CDH13: variants seen among roughly 807,000 people sequenced by gnomAD.
CDH13 encodes cadherin 13, also known as cadherin-13.
Under a neutral mutation model 63.8 loss-of-function variants are expected in CDH13, and 24 were observed. That is an observed-to-expected ratio of 0.38 (90% CI 0.27 to 0.53). The LOEUF (loss-of-function observed/expected upper bound fraction) is 0.53, where lower values mean the gene tolerates loss of function less well. Ranked by LOEUF, CDH13 falls within the 20% of genes least tolerant of loss-of-function variation. The pLI is 0.85. For synonymous variants in CDH13, 503 were observed against 355.3 expected (o/e 1.42, Z -4.67); for missense variants, 1,049 against 903.1 (o/e 1.16, Z -2.07).
intron 10 of CDH13, among the ~76,000 whole-genome samples, chr16:83,705,348 C>A (rs1026472033): frequency 6.6e-6 from 1 of 152,168 alleles, no homozygotes; most frequent in Non-Finnish European, 1.5e-5. Flanking sequence ...GAAGCCCGGG[C>A]CCGGTGGCTC....
chr16:83,159,268 G>A (rs1353413064), intron 4 of CDH13, among the ~76,000 whole-genome samples: 1 of 152,124 alleles, frequency 6.6e-6, no homozygotes, highest in African/African-American at 2.4e-5. Context: ...TGTGACTCTA[G>A]TTGAGTTAAA....
chr16:83,148,436 A>C (rs1166405110), intron 4 of CDH13, among the ~76,000 whole-genome samples: 1 of 152,204 alleles, frequency 6.6e-6, no homozygotes, highest in Non-Finnish European at 1.5e-5. Flanking sequence ...GAAGTGGATA[A>C]AATAATGTCT....
chr16:82,941,385 C>G (rs1904284829), intron 2 of CDH13, among the ~76,000 whole-genome samples: 1 of 152,174 alleles, frequency 6.6e-6, no homozygotes, highest in South Asian at 2.1e-4. Context: ...CATGACATTT[C>G]TGGAATTTCA....
At chr16:83,128,838 G>T (rs747186524) in intron 4 of CDH13, among the ~76,000 whole-genome samples, 1 of 152,152 alleles carries the variant, frequency 6.6e-6, no homozygotes, top group Non-Finnish European at 1.5e-5. Flanking sequence ...AGCCCCTTAT[G>T]TGTTGCCCAT....
intron 3 of CDH13, among the ~76,000 whole-genome samples, chr16:83,075,211 AC>A (rs1481902975): frequency 1.3e-5 from 2 of 152,094 alleles, no homozygotes; most frequent in African/African-American, 4.8e-5. Flanking sequence ...ACCCTGTCTT[AC>A]TTCCCAACTC....
At chr16:83,319,194 G>C (rs1035198038) in intron 5 of CDH13, among the ~76,000 whole-genome samples, 4 of 152,084 alleles carry the variant, frequency 2.6e-5, no homozygotes, top group Non-Finnish European at 4.4e-5. Context: ...AAGATATTTT[G>C]TATTGTGATG....
chr16:82,749,469 C>T (rs1357240223), intron 1 of CDH13, among the ~76,000 whole-genome samples: 2 of 152,136 alleles, frequency 1.3e-5, no homozygotes, highest in East Asian at 3.9e-4. Flanking sequence ...TCACATATCT[C>T]CAGGTTCGGA....
intron 1 of CDH13, among the ~76,000 whole-genome samples, chr16:82,662,509 C>G (rs1268202752): frequency 6.6e-6 from 1 of 152,146 alleles, no homozygotes; most frequent in Non-Finnish European, 1.5e-5. Context: ...ATGGTGCTAC[C>G]TGAGTGAGAT....
intron 1 of CDH13, among the ~76,000 whole-genome samples, chr16:82,689,424 T>G (rs559180191): frequency 3.0e-4 from 46 of 152,302 alleles, no homozygotes; most frequent in African/African-American, 1.1e-3. Context: ...ATAGTCAGTT[T>G]AGTAACCTCC....
chr16:83,311,201 T>C (rs1487964535), intron 5 of CDH13, among the ~76,000 whole-genome samples: 1 of 152,238 alleles, frequency 6.6e-6, no homozygotes, highest in Non-Finnish European at 1.5e-5. Context: ...TTAAAATTCA[T>C]CTGAAGTCTT....
At position 83,475,819 on chromosome 16, in the gene CDH13, G is replaced by A. The variant is rs148350167; in HGVS notation, c.782-10658G>A. Among the ~76,000 whole-genome samples the A allele has an allele frequency of 5.6e-4, 85 of 152,246 alleles. No homozygotes were observed. The Middle Eastern group carries it at 0.01, about 18-fold the overall frequency. On this transcript the variant is annotated intron_variant, in intron 6 of 13. Transcript: ENST00000567109. ...AGGTTGGTCTTGGACTCCTGACCTC[G>A]GGTGATCCACCCACCTCGGCCTCCC...
At chr16:83,121,469 C>T (rs374512206) in intron 3 of CDH13, among the ~76,000 whole-genome samples, 50 of 152,272 alleles carry the variant, frequency 3.3e-4, no homozygotes, top group South Asian at 2.3e-3. Flanking sequence ...GCCAAGTGCC[C>T]AGCACATTGG....
At chr16:83,327,596 G>C (rs1256900363) in intron 5 of CDH13, among the ~76,000 whole-genome samples, 1 of 152,162 alleles carries the variant, frequency 6.6e-6, no homozygotes, top group Non-Finnish European at 1.5e-5. Flanking sequence ...CCTTCTAGTA[G>C]GCATTACAGA....
At chr16:83,127,259 A>T (rs2035851058) in intron 4 of CDH13, among the ~76,000 whole-genome samples, 1 of 152,218 alleles carries the variant, frequency 6.6e-6, no homozygotes, top group African/African-American at 2.4e-5. Context: ...TTCATCGTGC[A>T]TGCAGCAGGG....
Position 83,303,267 on chromosome 16 carries a change from A to G in CDH13, c.637-41595A>G, listed in dbSNP as rs545150953. Among the ~76,000 whole-genome samples the G allele has an allele frequency of 2.3e-3, 350 of 152,356 alleles. 1 individual carries two copies. Among genetic ancestry groups the G allele is most frequent in the African/African-American group, 8.1e-3 (336 of 41,582 alleles). ...GGAAGATGAATAGGAGAAAAGGCAC[A>G]CAAATTTATTTAATGTGTATTAGCC... On this transcript the variant is annotated intron_variant, in intron 5 of 13. Transcript: ENST00000567109.
chr16:82,818,472 G>C (rs946607374), intron 1 of CDH13, among the ~76,000 whole-genome samples: 19 of 152,118 alleles, frequency 1.2e-4, no homozygotes, highest in Non-Finnish European at 2.9e-5. Flanking sequence ...AACATAAAGT[G>C]ATAATTTCCA....
chr16:82,856,387 AAAG>A (rs756990894), intron 1 of CDH13, among the ~76,000 whole-genome samples: 3,028 of 28,196 alleles, frequency 0.11, 48 homozygotes, highest in Non-Finnish European at 0.26. Context: ...AAAAAAAAAA[AAAG>A]AAAAGAAAAG....
At chr16:83,747,972 G>A in intron 10 of CDH13, 136 bp from the exon 11 acceptor site, 1 of 902,718 alleles carries the variant, frequency 1.1e-6, no homozygotes, top group South Asian at 1.5e-5. Context: ...ATGAGCAACT[G>A]TAACAGAAAT....
intron 2 of CDH13, among the ~76,000 whole-genome samples, chr16:83,017,083 C>G (rs1280203452): frequency 6.6e-6 from 1 of 152,152 alleles, no homozygotes; most frequent in Non-Finnish European, 1.5e-5. Context: ...ACTTATGTTT[C>G]CCCAGTCATT....
Sources: gnomAD v4.1 joint callset for allele counts (sites outside exome capture counted in the v4.1 genomes callset) on GRCh38, gnomAD v4.1.1 for gene constraint, MANE v1.5 for transcripts, NCBI Gene and HGNC (gene_info 2026-07-23, HGNC 2026-07-21) for gene names.